Variants in OTUD7A observed in about 807,000 individuals in gnomAD.
The protein encoded by OTUD7A is OTU domain-containing protein 7A.
OTUD7A carries 12 observed loss-of-function variants against 65.7 expected under a neutral mutation model. That is an observed-to-expected ratio of 0.18 (90% CI 0.12 to 0.30). The LOEUF is 0.30. OTUD7A is among the 10% of genes least tolerant of loss of function. The pLI is 1.00. For missense variants in OTUD7A, 1,148 were observed against 1,304.8 expected (o/e 0.88, Z 1.85); for synonymous variants, 641 against 586.3 (o/e 1.09, Z -1.35).
chr15:31,508,368 A>C (rs569569705), intron 8 of OTUD7A, among the ~76,000 whole-genome samples: 11 of 150,222 alleles, frequency 7.3e-5, no homozygotes, highest in Non-Finnish European at 1.2e-4. Flanking sequence ...TTTTGTTTTG[A>C]GACGGAGTCT....
rs761675577 is a variant in OTUD7A, at chr15:31,484,272, C to T, written c.1824G>A (p.Ala608=). Residue 608 remains alanine (A), a synonymous_variant, in exon 13 of 13, where the codon GCG becomes GCA. Coordinates refer to ENST00000307050, the MANE Select transcript of OTUD7A (RefSeq NM_001382637.1). This position sits in a 1 kb window ranked among gnomAD's most constrained non-coding sequence, Gnocchi z 4.5. ...PTDKAAGASP[A]EKGGGPRGDA... Reference sequence around the variant, plus strand: ...CGCCCCGCGGCCCACCGCCCTTCTCCGCCGGCGACGCGCCCGCTGCCTTGT... The same window carrying T: ...CGCCCCGCGGCCCACCGCCCTTCTCTGCCGGCGACGCGCCCGCTGCCTTGT... 6 of 1,592,430 alleles carry T rather than the reference C, an allele frequency of 3.8e-6. No homozygotes were observed. Among genetic ancestry groups the T allele is most frequent in the Admixed American group, 1.7e-5 (1 of 58,084 alleles).
At chr15:31,542,762 A>G (rs1028827284) in intron 5 of OTUD7A, among the ~76,000 whole-genome samples, 5 of 151,792 alleles carry the variant, frequency 3.3e-5, no homozygotes, top group Admixed American at 2.6e-4. Context: ...AAACCAGATT[A>G]TCTTCAAAGG....
At chr15:31,637,620 A>C (rs892120516) in intron 3 of OTUD7A, among the ~76,000 whole-genome samples, 1 of 152,256 alleles carries the variant, frequency 6.6e-6, no homozygotes, top group African/African-American at 2.4e-5. Context: ...AGATCTGGGC[A>C]AAGTACATTG....
At chr15:31,799,174 G>A (rs1896053570) in intron 1 of OTUD7A, among the ~76,000 whole-genome samples, 1 of 152,228 alleles carries the variant, frequency 6.6e-6, no homozygotes, top group African/African-American at 2.4e-5. Flanking sequence ...AAAGACACGG[G>A]AGAGGAGGGC....
chr15:31,529,963 C>T (rs2042064570), intron 6 of OTUD7A, among the ~76,000 whole-genome samples: 1 of 152,184 alleles, frequency 6.6e-6, no homozygotes, highest in South Asian at 2.1e-4. Context: ...ATGGATTCAG[C>T]CTTGTGCATA....
chr15:31,711,035 T>C (rs1477463325), intron 1 of OTUD7A, among the ~76,000 whole-genome samples: 2 of 151,162 alleles, frequency 1.3e-5, no homozygotes, highest in South Asian at 2.2e-4. Flanking sequence ...TTTCGGTTCA[T>C]GTTCATTCAG....
chr15:31,832,570 A>G (rs1438267054), intron 1 of OTUD7A, among the ~76,000 whole-genome samples: 1 of 152,160 alleles, frequency 6.6e-6, no homozygotes, highest in Non-Finnish European at 1.5e-5. Context: ...ATCTTGTAAA[A>G]CGGAAACTCT....
At chr15:31,494,071 G>A (rs765863792) in intron 10 of OTUD7A, among the ~76,000 whole-genome samples, 2 of 152,352 alleles carry the variant, frequency 1.3e-5, no homozygotes, top group African/African-American at 4.8e-5. Flanking sequence ...AGGGCCAATG[G>A]TGGCAGACAT....
intron 1 of OTUD7A, among the ~76,000 whole-genome samples, chr15:31,752,808 A>G (rs1425352776): frequency 6.6e-6 from 1 of 152,150 alleles, no homozygotes; most frequent in Non-Finnish European, 1.5e-5. Context: ...TTTGAAAAAA[A>G]AAATCTTTGC....
intron 1 of OTUD7A, among the ~76,000 whole-genome samples, chr15:31,698,393 A>G (rs1204368296): frequency 6.6e-6 from 1 of 152,084 alleles, no homozygotes; most frequent in Non-Finnish European, 1.5e-5. Flanking sequence ...CTTCCAGTTC[A>G]CCCAACCCAT....
In OTUD7A at chr15:31,487,850, C is replaced by G. The variant is rs2041261541; in HGVS notation, c.1172-284G>C. ...ATTGGGCAGCAGAATGGGAAAAAAG[C>G]TATTGCTGCCTCTGCTATTTCTAGG... is the stretch of plus-strand genomic sequence containing the variant. On this transcript the variant is annotated intron_variant, in intron 10 of 12. Coordinates refer to ENST00000307050, the MANE Select transcript of OTUD7A (RefSeq NM_001382637.1). This position sits in a 1 kb window ranked among gnomAD's most constrained non-coding sequence, Gnocchi z 6.0. Among the ~76,000 whole-genome samples the G allele has an allele frequency of 6.6e-6, 1 of 152,194 alleles. No individual in the cohort carries two copies. Among genetic ancestry groups the G allele is most frequent in the East Asian group, 1.9e-4 (1 of 5,196 alleles).
rs140149851 is a variant in OTUD7A, at chr15:31,644,259, G to A, written c.151+10837C>T. On this transcript the variant is annotated intron_variant, in intron 3 of 12. Transcript: ENST00000307050. ...TTGCATTTCACTGCTGAATGGCAAC[G>A]CTTTTGGGGATCCCTCTCTGCTGCA... Among the ~76,000 whole-genome samples, 116 of 152,228 alleles carry A rather than the reference G, an allele frequency of 7.6e-4. 3 individuals carry two copies. In the East Asian group the frequency reaches 0.014, roughly 19 times the overall value.
chr15:31,680,273 G>T lies in OTUD7A; in HGVS notation c.-99-23196C>A, dbSNP rs544132341. On this transcript the variant is annotated intron_variant, in intron 1 of 12. Coordinates refer to ENST00000307050, the MANE Select transcript of OTUD7A (RefSeq NM_001382637.1). ...AGAATACACATTTTAATATAGAATT[G>T]TAACTGTACAATTCTGCCATTCAGT... Among the ~76,000 whole-genome samples the T allele has an allele frequency of 3.9e-5, 6 of 152,206 alleles. No individual in the cohort carries two copies. In the East Asian group the frequency reaches 1.2e-3, roughly 29 times the overall value.
rs559809754 is a variant in OTUD7A at position 31,857,474 on chromosome 15, C to T, written c.-100+13033G>A. 5.9e-5 allele frequency among the ~76,000 whole-genome samples: 9 copies of T among 152,294 alleles called. No individual in the cohort carries two copies. The East Asian group carries it at 1.5e-3, about 26-fold the overall frequency. ...CCCTCTGCTGGCACTTGGGTTCTCA[C>T]GCCCTCCCCCTTACACACTCGGGAA... On this transcript the variant is annotated intron_variant, in intron 1 of 12. Transcript: ENST00000307050.
chr15:31,697,865 ACAATGCTT>A (rs1893120495), intron 1 of OTUD7A, among the ~76,000 whole-genome samples: 1 of 152,200 alleles, frequency 6.6e-6, no homozygotes, highest in Admixed American at 6.5e-5. Flanking sequence ...TGAGATGTGA[ACAATGCTT>A]TATCCCAGCT....
At chr15:31,698,919 T>G (rs1031498579) in intron 1 of OTUD7A, among the ~76,000 whole-genome samples, 3 of 151,450 alleles carry the variant, frequency 2.0e-5, no homozygotes, top group Non-Finnish European at 2.9e-5. Flanking sequence ...AAAATAAGAG[T>G]AATGGCACCT....
At chr15:31,502,826 G>T (rs1384617699) in intron 9 of OTUD7A, among the ~76,000 whole-genome samples, 1 of 152,246 alleles carries the variant, frequency 6.6e-6, no homozygotes, top group Non-Finnish European at 1.5e-5. Flanking sequence ...CACAGGGAAG[G>T]GGGTGGGCCA....
rs199588939 is a variant in OTUD7A at position 31,484,354 on chromosome 15, T to G, written c.1742A>C (p.Glu581Ala). The G allele has an allele frequency of 1.9e-5, 30 of 1,601,110 alleles. No individual in the cohort carries two copies. In the East Asian group the frequency reaches 4.9e-4, roughly 26 times the overall value. ...KAKSRKGSKE[E>A]SGASASTSPS... is the part of the protein sequence containing the mutation. ...CGACGTGCTGGCCGACGCACCAGAC[T>G]CCTCCTTGCTGCCCTTGCGCGACTT... The change falls in exon 13 of 13, where the codon GAG becomes GCG. Residue 581 changes from glutamate (E) to alanine (A), a missense_variant. Physicochemically the swap from Glu to Ala is moderately radical, Grantham distance 107. Around this residue, in one of 6 missense-constraint regions of OTUD7A, gnomAD observed 842 missense variants for 769.5 expected, o/e 1.09. Coordinates refer to ENST00000307050, the MANE Select transcript of OTUD7A (RefSeq NM_001382637.1). The surrounding 1 kb of genome is among the most constrained non-coding windows in gnomAD (Gnocchi z 4.5).
At chr15:31,609,132 C>T (rs1890323020) in intron 3 of OTUD7A, among the ~76,000 whole-genome samples, 1 of 152,202 alleles carries the variant, frequency 6.6e-6, no homozygotes, top group African/African-American at 2.4e-5. Context: ...TTGCCTGTCA[C>T]CACAGGGATC....
Sources: gnomAD v4.1 joint callset for allele counts (sites outside exome capture counted in the v4.1 genomes callset) on GRCh38, gnomAD v4.1.1 for gene constraint, gnomAD v4.1.1 regional missense constraint, Gnocchi (gnomAD v3.1) non-coding constraint, MANE v1.5 for transcripts, NCBI Gene and HGNC (gene_info 2026-07-23, HGNC 2026-07-21) for gene names.